The following GPN1 variants were observed in gnomAD, a reference collection of about 807,000 sequenced individuals.
The protein encoded by GPN1 is GPN-loop GTPase 1.
Under a neutral mutation model 55.9 loss-of-function variants are expected in GPN1, and 44 were observed. The observed-to-expected ratio is 0.79, with a 90% CI of 0.62 to 1.01. The LOEUF (loss-of-function observed/expected upper bound fraction) is 1.01, where lower values mean the gene tolerates loss of function less well. Among genes scored for constraint, GPN1 ranks in the 50% least tolerant of loss-of-function variants. The probability of loss-of-function intolerance (pLI) is 0.00; values close to 1 mark genes in which losing one functional copy is unlikely to be tolerated. For synonymous variants in GPN1, 179 were observed against 162.5 expected (o/e 1.10, Z -0.77); for missense variants, 466 against 462.8 (o/e 1.01, Z -0.06).
chr2:27,642,644 A>G (rs1674004216), intron 12 of GPN1, 125 bp downstream of exon 12: 4 of 598,848 alleles, frequency 6.7e-6, no homozygotes, highest in Non-Finnish European at 1.2e-5. Flanking sequence ...GCTCACCACA[A>G]CCTCCACCTC....
intron 4 of GPN1, 124 bp from the exon 5 acceptor site, chr2:27,632,508 AT>A: frequency 1.4e-6 from 1 of 723,846 alleles, no homozygotes; most frequent in Non-Finnish European, 2.6e-6. Flanking sequence ...AAGATTGCAA[AT>A]GTTCAGTAGG....
chr2:27,628,753 C>T (rs1284747439), upstream of GPN1: 9 of 1,545,694 alleles, frequency 5.8e-6, no homozygotes, highest in Non-Finnish European at 7.9e-6. Context: ...GCCCTGCCCT[C>T]GGGACCCCAT....
intron 13 of GPN1, among the ~76,000 whole-genome samples, chr2:27,649,689 C>T (rs1445596953): frequency 1.3e-5 from 2 of 152,060 alleles, no homozygotes; most frequent in Non-Finnish European, 2.9e-5. Flanking sequence ...CATGTTGTTG[C>T]ATGTATCAGT....
intron 13 of GPN1, among the ~76,000 whole-genome samples, chr2:27,649,692 G>T (rs569753663): frequency 3.9e-5 from 6 of 152,032 alleles, no homozygotes; most frequent in Admixed American, 2.0e-4. Flanking sequence ...GTTGTTGCAT[G>T]TATCAGTATG....
intron 7 of GPN1, among the ~76,000 whole-genome samples, chr2:27,635,450 T>A (rs1053443708): frequency 5.3e-5 from 8 of 152,182 alleles, no homozygotes. Flanking sequence ...CCCTCTGATC[T>A]TCCTCCCTTG....
chr2:27,629,003 A>C, upstream of GPN1: 1 of 1,609,300 alleles, frequency 6.2e-7, no homozygotes, highest in Non-Finnish European at 8.5e-7. Context: ...AACATTGCGG[A>C]AGTTTCTCTA....
chr2:27,635,314 T>G, intron 7 of GPN1, 80 bp downstream of exon 7: 1 of 721,132 alleles, frequency 1.4e-6, no homozygotes, highest in Non-Finnish European at 2.4e-6. Flanking sequence ...TTTTTTTTTT[T>G]TTGAATCTGG....
rs892865984 is a variant in GPN1, at chr2:27,650,639, A to G, written c.*439A>G. 6.5e-6 allele frequency: 1 copy of G among 153,996 alleles called. No individual in the cohort carries two copies. The highest frequency in any genetic ancestry group is 1.5e-5 in the Non-Finnish European group (1 of 68,906). 9.5% of individuals were successfully genotyped at this position (153,996 alleles called of 1,614,324 possible). On this transcript the variant is annotated 3_prime_UTR_variant, in exon 14 of 14. Transcript: ENST00000610189. ...ACCCTGCACTGTAAGTTGCCCTTCT[A>G]TTAGCAGCCAAGGAAAAGGGAAACA...
chr2:27,637,885 G>T (rs927400988), intron 7 of GPN1, among the ~76,000 whole-genome samples: 2 of 152,194 alleles, frequency 1.3e-5, no homozygotes, highest in African/African-American at 4.8e-5. Context: ...AAGTATTTTA[G>T]ATAGGAAATT....
intron 12 of GPN1, among the ~76,000 whole-genome samples, chr2:27,646,048 G>T (rs1674210912): frequency 6.7e-6 from 1 of 149,964 alleles, no homozygotes; most frequent in Non-Finnish European, 1.5e-5. Flanking sequence ...ATGTATGTAT[G>T]TATTTATTTT....
chr2:27,646,286 C>T (rs866266136), intron 12 of GPN1, among the ~76,000 whole-genome samples: 3 of 152,162 alleles, frequency 2.0e-5, no homozygotes, highest in African/African-American at 4.8e-5. Flanking sequence ...AGGTGATCTG[C>T]CCATTTCAGC....
rs1426020271 is a variant in GPN1 at position 27,632,673 on chromosome 2, A to G, written c.350+3A>G. ...GAGAAGGCCCAGAACATGTCCAAGT[A>G]AGTGATGTCAGTAACACCCATTTAT... On this transcript the variant is annotated splice_donor_region_variant and intron_variant, in intron 5 of 13. Transcript: ENST00000610189. The G allele has an allele frequency of 1.3e-5, 21 of 1,577,470 alleles. No homozygotes were observed. The highest frequency in any genetic ancestry group is 1.7e-5 in the Non-Finnish European group (20 of 1,146,664).
chr2:27,645,024 G>A (rs922890653), intron 12 of GPN1, among the ~76,000 whole-genome samples: 1 of 152,028 alleles, frequency 6.6e-6, no homozygotes, highest in African/African-American at 2.4e-5. Flanking sequence ...CTGGAGTGCA[G>A]TGGCGCAATC....
chr2:27,629,176 T>G lies in GPN1; in HGVS notation c.111+7T>G. 6.2e-7 allele frequency: 1 copy of G among 1,613,998 alleles called. No homozygotes were observed. The highest frequency in any genetic ancestry group is 8.5e-7 in the Non-Finnish European group (1 of 1,179,940). Reference sequence around the variant, plus strand: ...GAAAACCACTTTTGTACAGGTGACGTACACAGCATGGGTGTAGTAGGGGAG... The same window carrying G: ...GAAAACCACTTTTGTACAGGTGACGGACACAGCATGGGTGTAGTAGGGGAG... On this transcript the variant is annotated splice_region_variant and intron_variant, in intron 1 of 13. Coordinates refer to ENST00000610189, the MANE Select transcript of GPN1 (RefSeq NM_007266.4).
intron 9 of GPN1, among the ~76,000 whole-genome samples, chr2:27,639,674 A>G (rs1673863155): frequency 6.6e-6 from 1 of 151,924 alleles, no homozygotes. Flanking sequence ...CGTGTGCGGT[A>G]TACCATACCC....
In GPN1 at chr2:27,638,267, CT is replaced by C; in HGVS notation, c.570+14del. On this transcript the variant is annotated intron_variant, in intron 8 of 13. Transcript: ENST00000610189. The stretch of plus-strand genomic sequence containing the variant: ...TGGTCATGAATAAAGTAAGTGTATT[CT>C]TCCTGTTGTGATTCACCATTTTTCA... The C allele has an allele frequency of 6.7e-7, 1 of 1,482,000 alleles. No individual in the cohort carries two copies. The highest frequency in any genetic ancestry group is 9.4e-7 in the Non-Finnish European group (1 of 1,060,096). 91.8% of individuals were successfully genotyped at this position (1,482,000 alleles called of 1,614,324 possible).
At position 27,641,679 on chromosome 2, in the gene GPN1, G is replaced by A. The variant is rs1020219036; in HGVS notation, c.840+400G>A. ...CACGATCGCGGCTCACTGCAGCCTCGACCTTTTGGGCTTAAGCGATCCTCC... is the reference window on the plus strand; with the variant it reads ...CACGATCGCGGCTCACTGCAGCCTCAACCTTTTGGGCTTAAGCGATCCTCC... On this transcript the variant is annotated intron_variant, in intron 11 of 13. Coordinates refer to ENST00000610189, the MANE Select transcript of GPN1 (RefSeq NM_007266.4). Among the ~76,000 whole-genome samples, 9 of 152,236 alleles carry A rather than the reference G, an allele frequency of 5.9e-5. No homozygotes were observed. In the East Asian group the frequency reaches 1.7e-3, roughly 29 times the overall value.
chr2:27,645,761 G>C (rs775369906), intron 12 of GPN1, among the ~76,000 whole-genome samples: 17 of 151,402 alleles, frequency 1.1e-4, no homozygotes, highest in Non-Finnish European at 1.9e-4. Context: ...ACAGGGTCTT[G>C]CTCTGTCACC....
chr2:27,631,637 TAAATC>T lies in GPN1; in HGVS notation c.246-192_246-188del, dbSNP rs1463245179. 3 of 596,116 alleles carry T rather than the reference TAAATC, an allele frequency of 5.0e-6. No individual in the cohort carries two copies. In the East Asian group the frequency reaches 8.4e-5, roughly 17 times the overall value. The allele number at this position is 596,116 out of a possible 1,614,324, so 36.9% of individuals were successfully genotyped here. ...TTCTTCATTTTGCCTGACCACTCCTTAAATCAAATGAGTGAGCCAGACCTTGATAA... is the reference window on the plus strand; with the variant it reads ...TTCTTCATTTTGCCTGACCACTCCTTAAATGAGTGAGCCAGACCTTGATAA... On this transcript the variant is annotated intron_variant, in intron 3 of 13. Coordinates refer to ENST00000610189, the MANE Select transcript of GPN1 (RefSeq NM_007266.4).
Sources: allele counts gnomAD v4.1 joint callset (sites outside exome capture counted in the v4.1 genomes callset), GRCh38; gene constraint gnomAD v4.1.1; transcripts MANE v1.5; gene names NCBI Gene and HGNC (gene_info 2026-07-23, HGNC 2026-07-21).